The following CFAP47 variants were observed in gnomAD, a reference collection of about 807,000 sequenced individuals.
The protein encoded by CFAP47 is cilia and flagella associated protein 47.
In CFAP47, 29 loss-of-function variants were observed where a neutral mutation model predicts 148.1. The ratio of observed to expected loss-of-function variants is 0.20; its 90% CI spans 0.15 to 0.27. The LOEUF is 0.27. CFAP47 is among the 10% of genes least tolerant of loss of function. The probability of loss-of-function intolerance (pLI) is 1.00; values close to 1 mark genes in which losing one functional copy is unlikely to be tolerated. For missense variants in CFAP47, 1,872 were observed against 1,697.5 expected (o/e 1.10, Z -1.81); for synonymous variants, 664 against 577.3 (o/e 1.15, Z -2.15).
At chrX:36,357,864 T>C (rs1941797629) in intron 60 of CFAP47, among the ~76,000 whole-genome samples, 1 of 111,966 alleles carries the variant, frequency 8.9e-6, no homozygotes, top group Non-Finnish European at 1.9e-5. Context: ...TTCCCAATTG[T>C]TCTATAGCTC....
intron 59 of CFAP47, among the ~76,000 whole-genome samples, chrX:36,350,442 T>C (rs1310927603): frequency 2.7e-5 from 3 of 111,249 alleles, no homozygotes; most frequent in African/African-American, 9.8e-5. Context: ...GTATACTTGC[T>C]CTCAGGTCAC....
chrX:35,956,847 T>C (rs1230133912), intron 8 of CFAP47, among the ~76,000 whole-genome samples: 1 of 111,421 alleles, frequency 9.0e-6, no homozygotes, highest in Non-Finnish European at 1.9e-5. Context: ...ATGCCTGTTT[T>C]GGTAATTAGT....
At chrX:35,954,214 C>T (rs1198031636) in intron 7 of CFAP47, among the ~76,000 whole-genome samples, 1 of 110,371 alleles carries the variant, frequency 9.1e-6, no homozygotes, top group Non-Finnish European at 1.9e-5. Flanking sequence ...TGTCAATATG[C>T]CTTATATGTT....
At chrX:36,359,475 A>AT (rs1275239425) in intron 60 of CFAP47, among the ~76,000 whole-genome samples, 1 of 112,023 alleles carries the variant, frequency 8.9e-6, no homozygotes, top group Non-Finnish European at 1.9e-5. Context: ...TCATTAACTA[A>AT]TTTTTTGTGG....
intron 49 of CFAP47, among the ~76,000 whole-genome samples, chrX:36,268,269 A>G (rs782745478): frequency 8.8e-6 from 1 of 113,487 alleles, no homozygotes; most frequent in Non-Finnish European, 1.9e-5. Context: ...ATATTTTAAA[A>G]GTTACTTAGT....
At position 36,076,159 on chromosome X, in the gene CFAP47, A is replaced by G. The variant is rs143242933; in HGVS notation, c.4691+2795A>G. On this transcript the variant is annotated intron_variant, in intron 29 of 63. Coordinates refer to ENST00000378653, the MANE Select transcript of CFAP47 (RefSeq NM_001304548.2). Reference sequence around the variant, plus strand: ...GCATTCCTACCAATAGTATTTAAACATTCACTTTTCTTTTTTTTCTTTTTT... The same window carrying G: ...GCATTCCTACCAATAGTATTTAAACGTTCACTTTTCTTTTTTTTCTTTTTT... Among the ~76,000 whole-genome samples, 550 of 107,084 alleles carry G rather than the reference A, an allele frequency of 5.1e-3. 4 individuals carry two copies. Among genetic ancestry groups the G allele is most frequent in the African/African-American group, 0.017 (497 of 28,940 alleles). The allele number at this position is 107,084 out of a possible 115,157, so 93.0% of individuals were successfully genotyped here.
intron 40 of CFAP47, among the ~76,000 whole-genome samples, chrX:36,184,356 T>C (rs1454375906): frequency 1.8e-5 from 2 of 110,917 alleles, no homozygotes; most frequent in Non-Finnish European, 3.8e-5. Context: ...CCAGAAGCAA[T>C]GGGTAGGGGC....
chrX:36,155,711 G>A (rs182585944), intron 37 of CFAP47, among the ~76,000 whole-genome samples: 1 of 110,846 alleles, frequency 9.0e-6, no homozygotes, highest in African/African-American at 3.3e-5. Context: ...TGAAAAATGT[G>A]GATAAGGCTA....
chrX:35,983,742 A>G (rs754085782), intron 15 of CFAP47, among the ~76,000 whole-genome samples: 2 of 111,674 alleles, frequency 1.8e-5, no homozygotes, highest in African/African-American at 6.5e-5. Context: ...ATTGTTAGTT[A>G]TATTTATGTG....
At chrX:36,321,507 TA>T (rs1941478824) in intron 57 of CFAP47, among the ~76,000 whole-genome samples, 1 of 111,442 alleles carries the variant, frequency 9.0e-6, no homozygotes, top group Non-Finnish European at 1.9e-5. Context: ...ATTGTACATT[TA>T]AAAATAACTG....
chrX:36,131,402 A>T (rs192488862), intron 33 of CFAP47, among the ~76,000 whole-genome samples: 2 of 110,696 alleles, frequency 1.8e-5, no homozygotes, highest in Non-Finnish European at 3.8e-5. Context: ...GGGGGCAGGG[A>T]GTATATGGGA....
chrX:35,948,627 A>G (rs761922759), intron 4 of CFAP47, among the ~76,000 whole-genome samples, 175 bp downstream of exon 4: 3 of 112,060 alleles, frequency 2.7e-5, no homozygotes, highest in Non-Finnish European at 5.6e-5. Context: ...GAAGAACTAG[A>G]GGATAGCATA....
At chrX:36,023,564 C>T (rs968969470) in intron 22 of CFAP47, among the ~76,000 whole-genome samples, 12 of 111,836 alleles carry the variant, frequency 1.1e-4, no homozygotes, top group African/African-American at 3.9e-4. Flanking sequence ...CCCCAGGCCC[C>T]GGGTGGGTCC....
chrX:35,960,712 G>A (rs1270122516), intron 8 of CFAP47, among the ~76,000 whole-genome samples: 1 of 111,191 alleles, frequency 9.0e-6, no homozygotes, highest in African/African-American at 3.3e-5. Context: ...TCTGCATATT[G>A]ACCTTGTATT....
In CFAP47 at chrX:36,016,911, CT is replaced by C. The variant is rs1415118620; in HGVS notation, c.3556+2000del. ...TCATGTAGTTTTGATTTGCATTTCT[CT>C]GATGATCAATGATGTTGAGCACATT... On this transcript the variant is annotated intron_variant, in intron 22 of 63. Transcript: ENST00000378653. 4.5e-5 allele frequency among the ~76,000 whole-genome samples: 5 copies of C among 110,217 alleles called. No homozygotes were observed. In the Admixed American group the frequency reaches 4.9e-4, roughly 11 times the overall value.
At chrX:35,954,645 G>C (rs1053945001) in intron 7 of CFAP47, among the ~76,000 whole-genome samples, 2 of 111,781 alleles carry the variant, frequency 1.8e-5, no homozygotes, top group African/African-American at 6.5e-5. Context: ...TGGCTACTAA[G>C]AGCATTAGTG....
chrX:36,297,680 G>T (rs782186007), intron 51 of CFAP47, among the ~76,000 whole-genome samples: 1 of 111,435 alleles, frequency 9.0e-6, no homozygotes. Flanking sequence ...AATGTACCTT[G>T]GGGGAAGGAC....
At chrX:36,264,192 G>T (rs1268394783) in intron 49 of CFAP47, among the ~76,000 whole-genome samples, 1 of 111,623 alleles carries the variant, frequency 9.0e-6, no homozygotes, top group Non-Finnish European at 1.9e-5. Flanking sequence ...GAAGGAAGGG[G>T]TCTCTTCTGG....
chrX:35,925,963 T>A, intron 1 of CFAP47, 54 bp from the exon 2 acceptor site: 1 of 1,047,848 alleles, frequency 9.5e-7, no homozygotes, highest in South Asian at 2.3e-5. Flanking sequence ...CCATGGTATT[T>A]TTTTTTTATA....
Sources: allele counts gnomAD v4.1 joint callset (sites outside exome capture counted in the v4.1 genomes callset), GRCh38; gene constraint gnomAD v4.1.1; transcripts MANE v1.5; gene names NCBI Gene and HGNC (gene_info 2026-07-23, HGNC 2026-07-21).